WAPL: variants seen among roughly 807,000 people sequenced by gnomAD.
WAPL encodes WAPL cohesin release factor.
In WAPL, 5 loss-of-function variants were observed where a neutral mutation model predicts 121.0. The ratio of observed to expected loss-of-function variants is 0.04; its 90% CI spans 0.02 to 0.09. The LOEUF (loss-of-function observed/expected upper bound fraction) is 0.09, where lower values mean the gene tolerates loss of function less well. WAPL is among the 10% of genes least tolerant of loss of function. The probability of loss-of-function intolerance (pLI) is 1.00; values close to 1 mark genes in which losing one functional copy is unlikely to be tolerated. For missense variants in WAPL, 999 were observed against 1,410.8 expected (o/e 0.71, Z 4.68); for synonymous variants, 480 against 481.5 (o/e 1.00, Z 0.04).
At chr10:86,507,007 G>C (rs1842364781) in intron 2 of WAPL, among the ~76,000 whole-genome samples, 1 of 149,624 alleles carries the variant, frequency 6.7e-6, no homozygotes, top group Non-Finnish European at 1.5e-5. Context: ...TGATTTTCTT[G>C]TGTAAGACTA....
intron 17 of WAPL, among the ~76,000 whole-genome samples, chr10:86,441,000 C>A (rs752232380): frequency 2.0e-5 from 3 of 151,922 alleles, no homozygotes; most frequent in Non-Finnish European, 4.4e-5. Context: ...TAAAGCCATT[C>A]ATTTATCATT....
intron 12 of WAPL, among the ~76,000 whole-genome samples, chr10:86,455,097 G>C (rs1317561713): frequency 1.5e-5 from 2 of 136,066 alleles, no homozygotes; most frequent in African/African-American, 5.6e-5. Context: ...CAGCCGCCCC[G>C]TCCAGGAGGT....
chr10:86,502,090 G>A (rs1163394691), intron 2 of WAPL, among the ~76,000 whole-genome samples: 3 of 152,228 alleles, frequency 2.0e-5, no homozygotes, highest in African/African-American at 7.2e-5. Flanking sequence ...CTTGAAGCCA[G>A]CAGTTTCATT....
chr10:86,476,581 C>T (rs558576349), intron 4 of WAPL, among the ~76,000 whole-genome samples: 5 of 147,810 alleles, frequency 3.4e-5, no homozygotes, highest in Admixed American at 1.4e-4. Flanking sequence ...ACCAGCTACT[C>T]AGGAGGCTGA....
chr10:86,444,663 A>T (rs77161617), intron 16 of WAPL, among the ~76,000 whole-genome samples: 1,915 of 152,230 alleles, frequency 0.013, 25 homozygotes, highest in Non-Finnish European at 0.02. Context: ...GCCAGTGCCC[A>T]GGGAGGAGGG....
chr10:86,452,197 C>G lies in WAPL; in HGVS notation c.2950-66G>C, dbSNP rs191827958. On this transcript the variant is annotated intron_variant, in intron 14 of 18. Coordinates refer to ENST00000298767, the MANE Select transcript of WAPL (RefSeq NM_015045.5). The stretch of plus-strand genomic sequence containing the variant: ...ACTTAAAACAAATGAACACAATATA[C>G]ACAATTTTTAATGGCAACTAAAAAG... 1.2e-5 allele frequency: 17 copies of G among 1,476,896 alleles called. 1 individual carries two copies. In the African/African-American group the frequency reaches 2.1e-4, roughly 18 times the overall value. The allele number at this position is 1,476,896 out of a possible 1,614,324, so 91.5% of individuals were successfully genotyped here.
In WAPL at chr10:86,499,842, A is replaced by G; in HGVS notation, c.1401T>C (p.Asp467=). ...TTGTCTTTCTTTCTACTTGACAGTC[A>G]TCATCTTCATCATCTTCGCTTTCAC... The part of the protein sequence containing the change: ...DLSESEDDED[D]DCQVERKTSK... The change falls in exon 3 of 19, where the codon GAT becomes GAC. Residue 467 remains aspartate (D), a synonymous_variant. Transcript: ENST00000298767. 6.2e-7 allele frequency: 1 copy of G among 1,613,926 alleles called. No homozygotes were observed. Among genetic ancestry groups the G allele is most frequent in the Non-Finnish European group, 8.5e-7 (1 of 1,179,978 alleles).
chr10:86,454,093 C>G (rs947392220), intron 12 of WAPL, among the ~76,000 whole-genome samples: 1 of 152,180 alleles, frequency 6.6e-6, no homozygotes, highest in African/African-American at 2.4e-5. Flanking sequence ...ATATAAGAGA[C>G]AGACCACAAC....
chr10:86,459,926 C>G (rs956545544), intron 11 of WAPL, among the ~76,000 whole-genome samples: 11 of 152,022 alleles, frequency 7.2e-5, no homozygotes, highest in Non-Finnish European at 1.6e-4. Flanking sequence ...CCAGCCTGGC[C>G]AACATGGCAA....
chr10:86,462,980 T>G (rs1398409818), intron 9 of WAPL, among the ~76,000 whole-genome samples: 3 of 152,238 alleles, frequency 2.0e-5, no homozygotes, highest in African/African-American at 7.2e-5. Flanking sequence ...GTTTTGTTTT[T>G]GTTTCTATTG....
intron 7 of WAPL, 95 bp from the exon 8 acceptor site, chr10:86,471,198 T>TA: frequency 1.1e-6 from 1 of 925,228 alleles, no homozygotes; most frequent in South Asian, 1.4e-5. Flanking sequence ...AGGAAGGGGG[T>TA]AAAAGGGTCA....
chr10:86,521,358 CACTT>C lies in WAPL; in HGVS notation c.-23+3_-23+6del, dbSNP rs1296915974. On this transcript the variant is annotated splice_donor_5th_base_variant and intron_variant, in intron 1 of 18. Transcript: ENST00000298767. ...CGGCCTAGGCGGCCGCCCGACACCT[CACTT>C]ACCCTCGGAGCCTGGCGGGTGCTTT... 1 of 281,492 alleles carries C rather than the reference CACTT, an allele frequency of 3.6e-6. No homozygotes were observed. The highest frequency in any genetic ancestry group is 7.0e-6 in the Non-Finnish European group (1 of 142,602). 17.4% of individuals were successfully genotyped at this position (281,492 alleles called of 1,614,324 possible).
Position 86,517,609 on chromosome 10 carries a change from T to A in WAPL, c.461A>T (p.Asp154Val). The A allele has an allele frequency of 6.2e-7, 1 of 1,613,430 alleles. No individual in the cohort carries two copies. The highest frequency in any genetic ancestry group is 8.5e-7 in the Non-Finnish European group (1 of 1,179,616). Residue 154 changes from aspartate to valine, a missense_variant, in exon 2 of 19, where the codon GAT (aspartate) becomes GTT (valine). Physicochemically the swap from Asp to Val is radical, Grantham distance 152. Coordinates refer to ENST00000298767, the MANE Select transcript of WAPL (RefSeq NM_015045.5). ...EKSTNRIVEDDASISSCNKLI... is the reference protein window; with the variant it reads ...EKSTNRIVEDVASISSCNKLI... Reference sequence around the variant, plus strand: ...TTTATTACAGCTACTTATGCTTGCATCATCTTCTACAATTCGGTTTGTGCT... The same window carrying A: ...TTTATTACAGCTACTTATGCTTGCAACATCTTCTACAATTCGGTTTGTGCT...
intron 4 of WAPL, among the ~76,000 whole-genome samples, chr10:86,483,334 T>C (rs1157874397): frequency 6.6e-6 from 1 of 151,698 alleles, no homozygotes; most frequent in African/African-American, 2.4e-5. Context: ...GCAGGAGAAT[T>C]GCTTGAACCT....
intron 9 of WAPL, among the ~76,000 whole-genome samples, chr10:86,463,135 T>C (rs994515932): frequency 5.3e-5 from 8 of 151,992 alleles, no homozygotes; most frequent in African/African-American, 1.9e-4. Context: ...AATCAGAAAA[T>C]AAGAGGAACA....
chr10:86,442,884 C>CA (rs1187929431), intron 17 of WAPL, among the ~76,000 whole-genome samples: 1 of 151,512 alleles, frequency 6.6e-6, no homozygotes, highest in Non-Finnish European at 1.5e-5. Flanking sequence ...CCAAAAAATA[C>CA]AAAAAAAAGT....
intron 4 of WAPL, among the ~76,000 whole-genome samples, chr10:86,480,169 CAA>C (rs1336685577): frequency 6.6e-6 from 1 of 152,148 alleles, no homozygotes; most frequent in Non-Finnish European, 1.5e-5. Context: ...AATAAAGCTG[CAA>C]AGTCTTTCTT....
At chr10:86,480,476 A>G (rs1053395917) in intron 4 of WAPL, among the ~76,000 whole-genome samples, 2 of 152,234 alleles carry the variant, frequency 1.3e-5, no homozygotes, top group Non-Finnish European at 2.9e-5. Flanking sequence ...CTATAATTCA[A>G]CAATTAAAAC....
chr10:86,476,464 G>A lies in WAPL; in HGVS notation c.1645-2491C>T, dbSNP rs572477624. Among the ~76,000 whole-genome samples the A allele has an allele frequency of 8.7e-4, 133 of 152,142 alleles. 2 individuals are homozygous for A. The highest frequency in any genetic ancestry group is 2.7e-3 in the African/African-American group (113 of 41,494). On this transcript the variant is annotated intron_variant, in intron 4 of 18. Coordinates refer to ENST00000298767, the MANE Select transcript of WAPL (RefSeq NM_015045.5). ...AGCACTTTGGGAGGCCAAGGCAGGC[G>A]GATCGACTGAGGTCAGGAGTTTGAG...
Sources: gnomAD v4.1 joint callset for allele counts (sites outside exome capture counted in the v4.1 genomes callset) on GRCh38, gnomAD v4.1.1 for gene constraint, MANE v1.5 for transcripts, NCBI Gene and HGNC (gene_info 2026-07-23, HGNC 2026-07-21) for gene names.